TTC38: variants seen among roughly 807,000 people sequenced by gnomAD.
The protein encoded by TTC38 is tetratricopeptide repeat protein 38.
Under a neutral mutation model 64.2 loss-of-function variants are expected in TTC38, and 64 were observed. That is an observed-to-expected ratio of 1.00 (90% CI 0.81 to 1.23). The LOEUF (loss-of-function observed/expected upper bound fraction) is 1.23. Ranked by LOEUF, TTC38 falls within the 50% of genes most tolerant of loss-of-function variation. TTC38 has a pLI of 0.00. For missense variants in TTC38, 573 were observed against 615.5 expected, an observed-to-expected ratio of 0.93 and a Z score of 0.73; for synonymous variants, 254 against 249.3, an observed-to-expected ratio of 1.02 and a Z score of -0.18.
Position 46,290,521 on chromosome 22 carries a change from AGTGTGTTAGGGCAGCGTGGCTGGAGG to A in TTC38, c.1316+627_1316+652del, listed in dbSNP as rs1417604160. Among the ~76,000 whole-genome samples the A allele has an allele frequency of 4.5e-3, 589 of 131,396 alleles. 17 individuals are homozygous for A. The highest frequency in any genetic ancestry group is 0.017 in the African/African-American group (541 of 31,002). The allele number at this position is 131,396 out of a possible 152,430, so 86.2% of individuals were successfully genotyped here. ...GTTAGGGTGGCATGGCTGGAGGGTG[AGTGTGTTAGGGCAGCGTGGCTGGAGG>A]GTGTTAGGAGGGTGGTGTGGCTGGA... On this transcript the variant is annotated intron_variant, in intron 13 of 13. Coordinates refer to ENST00000381031, the MANE Select transcript of TTC38 (RefSeq NM_017931.4).
Position 46,270,744 on chromosome 22 carries a change from G to A in TTC38, c.112-1591G>A, listed in dbSNP as rs980242264. Among the ~76,000 whole-genome samples the A allele has an allele frequency of 6.6e-6, 1 of 152,096 alleles. No homozygotes were observed. The highest frequency in any genetic ancestry group is 1.5e-5 in the Non-Finnish European group (1 of 68,004). On this transcript the variant is annotated intron_variant, in intron 2 of 13. Coordinates refer to ENST00000381031, the MANE Select transcript of TTC38 (RefSeq NM_017931.4). This position sits in a 1 kb window ranked among gnomAD's most constrained non-coding sequence, Gnocchi z 4.7. ...CAGCTACTCGGGAGGCTGAGGCAGA[G>A]GAATTCTTGAACCAGGGAGGTGGAG... is the stretch of plus-strand genomic sequence containing the variant.
In TTC38 at chr22:46,275,501, C is replaced by G; in HGVS notation, c.539+80C>G. 7 of 1,408,622 alleles carry G rather than the reference C, an allele frequency of 5.0e-6. No homozygotes were observed. Among genetic ancestry groups the G allele is most frequent in the Non-Finnish European group, 6.8e-6 (7 of 1,032,642 alleles). The allele number at this position is 1,408,622 out of a possible 1,614,324, so 87.3% of individuals were successfully genotyped here. On this transcript the variant is annotated intron_variant, in intron 5 of 13. Transcript: ENST00000381031. This position sits in a 1 kb window ranked among gnomAD's most constrained non-coding sequence, Gnocchi z 4.5. ...CCTAAAAATATGGTGACTCTCTTGG[C>G]CCTGTCCTAAAAATAATGGGACCAC...
In TTC38 at chr22:46,285,270, C is replaced by T. The variant is rs374693288; in HGVS notation, c.825C>T (p.Tyr275=). Residue 275 remains tyrosine, a synonymous_variant, in exon 9 of 14, where the codon TAC becomes TAT. Transcript: ENST00000381031. ...AATATGAGGCCGCGCTGACCATCTACGATACCCACGTAAGTTGCATTCACA... is the reference window on the plus strand; with the variant it reads ...AATATGAGGCCGCGCTGACCATCTATGATACCCACGTAAGTTGCATTCACA... ...KGEYEAALTI[Y]DTHILPSLQA... is the part of the protein sequence containing the mutation. 17 of 1,614,056 alleles carry T rather than the reference C, an allele frequency of 1.1e-5. No homozygotes were observed. Among genetic ancestry groups the T allele is most frequent in the African/African-American group, 1.3e-5 (1 of 74,932 alleles).
intron 8 of TTC38, 97 bp downstream of exon 8, chr22:46,284,129 G>T: frequency 1.0e-6 from 1 of 991,426 alleles, no homozygotes; most frequent in Non-Finnish European, 1.5e-6. Context: ...ATCCGTTGGA[G>T]CCCTGATGCA....
Position 46,281,148 on chromosome 22 carries a change from C to T in TTC38, c.616-451C>T, listed in dbSNP as rs1325792617. ...AGAGGCAGTCACAGCCACTGGAGGA[C>T]TTGATAGTTCACACCACGTTCACAT... On this transcript the variant is annotated intron_variant, in intron 6 of 13. Transcript: ENST00000381031. The surrounding 1 kb of genome is among the most constrained non-coding windows in gnomAD (Gnocchi z 5.2). Among the ~76,000 whole-genome samples the T allele has an allele frequency of 6.6e-6, 1 of 152,244 alleles. No individual in the cohort carries two copies. Among genetic ancestry groups the T allele is most frequent in the Admixed American group, 6.5e-5 (1 of 15,290 alleles).
In TTC38 at chr22:46,291,465, C is replaced by A. The variant is rs1177662346; in HGVS notation, c.1317-1326C>A. ...GGGGGCCTTCTCTCCAAGTCCTGTC[C>A]TGCTACCAGGCAGCATCCATGGGGC... On this transcript the variant is annotated intron_variant, in intron 13 of 13. Coordinates refer to ENST00000381031, the MANE Select transcript of TTC38 (RefSeq NM_017931.4). The surrounding 1 kb of genome is among the most constrained non-coding windows in gnomAD (Gnocchi z 4.6). Among the ~76,000 whole-genome samples the A allele has an allele frequency of 1.3e-5, 2 of 152,288 alleles. No homozygotes were observed. Among genetic ancestry groups the A allele is most frequent in the East Asian group, 3.9e-4 (2 of 5,190 alleles).
intron 5 of TTC38, 40 bp from the exon 6 acceptor site, chr22:46,278,546 C>T (rs762279162): frequency 1.3e-6 from 2 of 1,538,056 alleles, no homozygotes; most frequent in Admixed American, 3.3e-5. Context: ...TGCTACCCAT[C>T]CATCATTTTG....
rs1339680353 is a variant in TTC38, at chr22:46,276,243, A to G, written c.539+822A>G. Among the ~76,000 whole-genome samples, 2 of 152,228 alleles carry G rather than the reference A, an allele frequency of 1.3e-5. No homozygotes were observed. Among genetic ancestry groups the G allele is most frequent in the African/African-American group, 4.8e-5 (2 of 41,450 alleles). ...AGGGCAGCAAGCTGGAAATCGCTGC[A>G]GGAGTCAGCATTAGTCTTACATCTG... is the stretch of plus-strand genomic sequence containing the variant. On this transcript the variant is annotated intron_variant, in intron 5 of 13. Transcript: ENST00000381031. The surrounding 1 kb of genome is among the most constrained non-coding windows in gnomAD (Gnocchi z 4.7).
At chr22:46,284,735 C>T (rs190541189) in intron 8 of TTC38, among the ~76,000 whole-genome samples, 52 of 151,722 alleles carry the variant, frequency 3.4e-4, no homozygotes, top group African/African-American at 1.2e-3. Context: ...AAAAATTAGC[C>T]GGGCATGGTG....
In TTC38 at chr22:46,289,902, G is replaced by A. The variant is rs745706494; in HGVS notation, c.1316+3G>A. Reference sequence around the variant, plus strand: ...AGCGTCCATAAGAACGTAGCCCGGTGAGCTCCTGGCCCCTGCCCAGCACTC... The same window carrying A: ...AGCGTCCATAAGAACGTAGCCCGGTAAGCTCCTGGCCCCTGCCCAGCACTC... On this transcript the variant is annotated splice_donor_region_variant and intron_variant, in intron 13 of 13. Transcript: ENST00000381031. 1.9e-6 allele frequency: 3 copies of A among 1,613,928 alleles called. No individual in the cohort carries two copies. Among genetic ancestry groups the A allele is most frequent in the South Asian group, 1.1e-5 (1 of 91,088 alleles).
rs562515323 is a variant in TTC38 at position 46,272,070 on chromosome 22, C to T, written c.112-265C>T. On this transcript the variant is annotated intron_variant, in intron 2 of 13. Coordinates refer to ENST00000381031, the MANE Select transcript of TTC38 (RefSeq NM_017931.4). The surrounding 1 kb of genome is among the most constrained non-coding windows in gnomAD (Gnocchi z 6.4). The stretch of plus-strand genomic sequence containing the variant: ...GCAGTGGCACAATCTTGGCTCATTG[C>T]AACCTCAGCCCCCGGGTTCAAGTGA... Among the ~76,000 whole-genome samples the T allele has an allele frequency of 1.6e-4, 25 of 152,312 alleles. No individual in the cohort carries two copies. The highest frequency in any genetic ancestry group is 1.4e-3 in the Admixed American group (21 of 15,300).
Position 46,276,914 on chromosome 22 carries a change from C to T in TTC38, c.539+1493C>T, listed in dbSNP as rs1464312868. On this transcript the variant is annotated intron_variant, in intron 5 of 13. Transcript: ENST00000381031. This position sits in a 1 kb window ranked among gnomAD's most constrained non-coding sequence, Gnocchi z 4.7. ...TGTTTCGCCAAACAGCTGAGCACCACGGGCCAGCCAAATTGACAGATAAAA... is the reference window on the plus strand; with the variant it reads ...TGTTTCGCCAAACAGCTGAGCACCATGGGCCAGCCAAATTGACAGATAAAA... Among the ~76,000 whole-genome samples the T allele has an allele frequency of 2.0e-5, 3 of 149,446 alleles. No homozygotes were observed. The highest frequency in any genetic ancestry group is 1.9e-4 in the East Asian group (1 of 5,164).
Position 46,272,465 on chromosome 22 carries a change from C to A in TTC38, c.193+49C>A. On this transcript the variant is annotated intron_variant, in intron 3 of 13. Coordinates refer to ENST00000381031, the MANE Select transcript of TTC38 (RefSeq NM_017931.4). This position sits in a 1 kb window ranked among gnomAD's most constrained non-coding sequence, Gnocchi z 6.4. ...GAGGAGCCCCGCTTCACACATCCAG[C>A]CCCTCTCTTTCCTTTACCACAGGGA... 1 of 1,475,512 alleles carries A rather than the reference C, an allele frequency of 6.8e-7. No individual in the cohort carries two copies. The highest frequency in any genetic ancestry group is 9.5e-7 in the Non-Finnish European group (1 of 1,056,064). 91.4% of individuals were successfully genotyped at this position (1,475,512 alleles called of 1,614,324 possible).
Position 46,271,434 on chromosome 22 carries a change from C to T in TTC38, c.112-901C>T, listed in dbSNP as rs1206971874. 2.0e-5 allele frequency among the ~76,000 whole-genome samples: 3 copies of T among 151,954 alleles called. No homozygotes were observed. The highest frequency in any genetic ancestry group is 2.1e-4 in the South Asian group (1 of 4,816). The stretch of plus-strand genomic sequence containing the variant: ...TTCACCGTGTTAGCCAGGATGGTCT[C>T]GATCTCCTGACCTCATGATCCGCCC... On this transcript the variant is annotated intron_variant, in intron 2 of 13. Coordinates refer to ENST00000381031, the MANE Select transcript of TTC38 (RefSeq NM_017931.4). The surrounding 1 kb of genome is among the most constrained non-coding windows in gnomAD (Gnocchi z 5.5).
intron 8 of TTC38, 94 bp downstream of exon 8, chr22:46,284,126 G>GCATCAGGGCTCCAACGGATGT: frequency 9.5e-7 from 1 of 1,048,472 alleles, no homozygotes; most frequent in Non-Finnish European, 1.4e-6. Flanking sequence ...CACATCCGTT[G>GCATCAGGGCTCCAACGGATGT]GAGCCCTGAT....
chr22:46,284,123 G>T (rs79618467), intron 8 of TTC38, 91 bp downstream of exon 8: 3 of 1,069,358 alleles, frequency 2.8e-6, no homozygotes, highest in Non-Finnish European at 2.8e-6. Flanking sequence ...ATTCACATCC[G>T]TTGGAGCCCT....
At chr22:46,284,772 G>A (rs2077559081) in intron 8 of TTC38, among the ~76,000 whole-genome samples, 1 of 149,750 alleles carries the variant, frequency 6.7e-6, no homozygotes, top group Admixed American at 6.8e-5. Context: ...CTGAGCCTGA[G>A]GCATGAGAAT....
chr22:46,286,244 T>C (rs2077570749), intron 9 of TTC38, among the ~76,000 whole-genome samples: 1 of 151,842 alleles, frequency 6.6e-6, no homozygotes, highest in Non-Finnish European at 1.5e-5. Flanking sequence ...CAGGGATGGC[T>C]TCATCAGAAA....
rs1448897092 is a variant in TTC38, at chr22:46,292,418, C to G, written c.1317-373C>G. On this transcript the variant is annotated intron_variant, in intron 13 of 13. Transcript: ENST00000381031. This position sits in a 1 kb window ranked among gnomAD's most constrained non-coding sequence, Gnocchi z 6.5. The stretch of plus-strand genomic sequence containing the variant: ...ATGACTTAATCACCTCCAAGAGGCC[C>G]TGTTCTTAATACCATCACCTTGGGC... The G allele has an allele frequency of 2.3e-5, 7 of 306,730 alleles. No homozygotes were observed. Among genetic ancestry groups the G allele is most frequent in the African/African-American group, 1.1e-4 (5 of 46,802 alleles). The allele number at this position is 306,730 out of a possible 1,614,324, so 19.0% of individuals were successfully genotyped here.
Sources: gnomAD v4.1 joint callset for allele counts (sites outside exome capture counted in the v4.1 genomes callset) on GRCh38, gnomAD v4.1.1 for gene constraint, Gnocchi (gnomAD v3.1) non-coding constraint, MANE v1.5 for transcripts, NCBI Gene and HGNC (gene_info 2026-07-23, HGNC 2026-07-21) for gene names.